PCDH15: variants seen among roughly 807,000 people sequenced by gnomAD.
PCDH15 encodes the protein protocadherin related 15, also known as protocadherin-15.
Under a neutral mutation model 178.5 loss-of-function variants are expected in PCDH15, and 129 were observed. The observed-to-expected ratio is 0.72, with a 90% confidence interval of 0.63 to 0.84. PCDH15 has a LOEUF of 0.84. Ranked by LOEUF, PCDH15 falls within the 40% of genes least tolerant of loss-of-function variation. PCDH15 has a pLI of 0.00. For synonymous variants in PCDH15, 800 were observed against 732.0 expected (o/e 1.09, Z -1.50); for missense variants, 2,230 against 2,099.9 (o/e 1.06, Z -1.21).
intron 3 of PCDH15, among the ~76,000 whole-genome samples, chr10:54,518,331 A>T (rs1192998103): frequency 6.6e-6 from 1 of 151,876 alleles, no homozygotes; most frequent in Non-Finnish European, 1.5e-5. Context: ...TAATAAAGAA[A>T]AAAAGAGAGA....
chr10:54,189,447 A>G, intron 11 of PCDH15: 1 of 1,214,870 alleles, frequency 8.2e-7, no homozygotes, highest in Non-Finnish European at 1.1e-6. Context: ...CGCACATATG[A>G]AGAAAAAGCA....
At chr10:55,034,512 T>C (rs1418752487) in intron 2 of PCDH15, among the ~76,000 whole-genome samples, 1 of 152,214 alleles carries the variant, frequency 6.6e-6, no homozygotes, top group African/African-American at 2.4e-5. Flanking sequence ...CATGCATTTA[T>C]TGACTGCCTA....
At chr10:53,906,261 T>G (rs967879008) in intron 25 of PCDH15, among the ~76,000 whole-genome samples, 1 of 152,120 alleles carries the variant, frequency 6.6e-6, no homozygotes, top group African/African-American at 2.4e-5. Context: ...GTCTTCCTTT[T>G]TTTTTGCTTC....
At chr10:54,240,087 C>T (rs2055078025) in intron 8 of PCDH15, among the ~76,000 whole-genome samples, 1 of 151,984 alleles carries the variant, frequency 6.6e-6, no homozygotes. Flanking sequence ...AAATAACATG[C>T]ATTATGTTTG....
intron 2 of PCDH15, among the ~76,000 whole-genome samples, chr10:54,534,043 A>C (rs938889828): frequency 6.6e-6 from 1 of 152,168 alleles, no homozygotes; most frequent in Admixed American, 6.5e-5. Context: ...ATATTTTTAC[A>C]ACAAGGACAA....
At chr10:54,843,887 T>C (rs932295523) in intron 3 of PCDH15, among the ~76,000 whole-genome samples, 14 of 151,944 alleles carry the variant, frequency 9.2e-5, no homozygotes, top group African/African-American at 3.4e-4. Flanking sequence ...CAAATGGCAA[T>C]TGGAAAATAC....
intron 2 of PCDH15, among the ~76,000 whole-genome samples, chr10:55,089,773 T>C (rs965526520): frequency 4.6e-5 from 7 of 152,118 alleles, no homozygotes; most frequent in Admixed American, 2.6e-4. Flanking sequence ...AATGCTTCCA[T>C]GGAAATCCCA....
At chr10:54,534,163 C>T (rs1178853603) in intron 2 of PCDH15, among the ~76,000 whole-genome samples, 1 of 152,006 alleles carries the variant, frequency 6.6e-6, no homozygotes, top group East Asian at 1.9e-4. Flanking sequence ...GGAATATATT[C>T]GAATAAAATG....
At chr10:54,424,263 T>C (rs573600424) in intron 3 of PCDH15, among the ~76,000 whole-genome samples, 15 of 151,966 alleles carry the variant, frequency 9.9e-5, no homozygotes, top group African/African-American at 3.4e-4. Flanking sequence ...GAAAAAATGC[T>C]ATCATCACTG....
chr10:54,459,624 A>T (rs2077046999), intron 3 of PCDH15, among the ~76,000 whole-genome samples: 1 of 152,126 alleles, frequency 6.6e-6, no homozygotes. Context: ...TTAGAAAAAG[A>T]CAGGTGAGAG....
chr10:55,024,280 G>T (rs1840419426), intron 2 of PCDH15, among the ~76,000 whole-genome samples: 1 of 144,342 alleles, frequency 6.9e-6, no homozygotes, highest in Non-Finnish European at 1.5e-5. Flanking sequence ...GATATAGGAA[G>T]GAGTATATAT....
intron 15 of PCDH15, among the ~76,000 whole-genome samples, chr10:54,123,055 A>T (rs1433421069): frequency 6.6e-6 from 1 of 152,168 alleles, no homozygotes; most frequent in Admixed American, 6.6e-5. Context: ...AAGAACTAAA[A>T]CTATAAGAAT....
At chr10:54,231,095 T>C (rs765743760) in intron 9 of PCDH15, among the ~76,000 whole-genome samples, 1 of 152,154 alleles carries the variant, frequency 6.6e-6, no homozygotes, top group Non-Finnish European at 1.5e-5. Flanking sequence ...CTACAGATTA[T>C]GCTTTTCTTT....
At chr10:53,897,597 TCA>T (rs35424348) in intron 26 of PCDH15, among the ~76,000 whole-genome samples, 97,161 of 151,786 alleles carry the variant, frequency 0.64, 32,251 homozygotes, top group East Asian at 0.87. Flanking sequence ...TTAAGTGTAT[TCA>T]CATTGTTCTG....
chr10:55,369,127 C>T (rs934513580), intron 2 of PCDH15, among the ~76,000 whole-genome samples: 12 of 151,258 alleles, frequency 7.9e-5, no homozygotes, highest in Admixed American at 2.0e-4. Flanking sequence ...TCATATTTCT[C>T]ACAGCACCAA....
intron 3 of PCDH15, among the ~76,000 whole-genome samples, chr10:54,427,901 T>C (rs968002496): frequency 2.6e-5 from 4 of 152,176 alleles, no homozygotes; most frequent in African/African-American, 9.7e-5. Flanking sequence ...TACTCTGTAG[T>C]ATGAGTAGCT....
At chr10:54,295,027 G>GT (rs1333691600) in intron 8 of PCDH15, among the ~76,000 whole-genome samples, 3 of 152,094 alleles carry the variant, frequency 2.0e-5, no homozygotes, top group African/African-American at 4.8e-5. Context: ...ATGGTCTTCT[G>GT]TTTTTTTGTA....
chr10:55,317,085 C>T (rs1174342951), intron 1 of PCDH15, among the ~76,000 whole-genome samples: 1 of 152,156 alleles, frequency 6.6e-6, no homozygotes, highest in Non-Finnish European at 1.5e-5. Flanking sequence ...AAAATACTAG[C>T]TCTACTGCAC....
At chr10:54,485,291 C>G (rs1185425639) in intron 3 of PCDH15, among the ~76,000 whole-genome samples, 1 of 151,776 alleles carries the variant, frequency 6.6e-6, no homozygotes, top group Non-Finnish European at 1.5e-5. Context: ...ACCCCTTTAA[C>G]TAAAAATGTG....
Sources: allele counts gnomAD v4.1 joint callset (sites outside exome capture counted in the v4.1 genomes callset), GRCh38; gene constraint gnomAD v4.1.1; transcripts MANE v1.5; gene names NCBI Gene and HGNC (gene_info 2026-07-23, HGNC 2026-07-21).